POLQ: variants seen among roughly 807,000 people sequenced by gnomAD.
POLQ encodes DNA polymerase theta.
In POLQ, 233 loss-of-function variants were observed where a neutral mutation model predicts 259.2. The ratio of observed to expected loss-of-function variants is 0.90; its 90% CI spans 0.81 to 1.00. The LOEUF (loss-of-function observed/expected upper bound fraction) is 1.00. POLQ is among the 50% of genes least tolerant of loss of function. The probability of loss-of-function intolerance (pLI) is 0.00; values close to 1 mark genes in which losing one functional copy is unlikely to be tolerated. For missense variants in POLQ, 2,871 were observed against 3,051.6 expected, an observed-to-expected ratio of 0.94 and a Z score of 1.39; for synonymous variants, 1,025 against 1,048.8, an observed-to-expected ratio of 0.98 and a Z score of 0.44.
chr3:121,520,008 G>A lies in POLQ; in HGVS notation c.1331C>T (p.Ser444Phe), dbSNP rs1357928900. ...TAAATTCACCCCAGAAGAAAGAGTA[G>A]AAGTTGCCGCCAAGACCCGAATGAG... ...QGLIRVLAAT[S>F]TLSSGVNLPA... is the part of the protein sequence containing the mutation. The change falls in exon 9 of 30, where the codon TCT (serine) becomes TTT (phenylalanine). Residue 444 changes from serine (S) to phenylalanine (F), a missense_variant. By Grantham distance (155) the Ser-to-Phe change is radical (BLOSUM62 -2). This residue lies in a region of POLQ where 783 missense variants were observed against 906.2 expected (regional missense o/e 0.86). Coordinates refer to ENST00000264233, the MANE Select transcript of POLQ (RefSeq NM_199420.4). 1 of 1,613,438 alleles carries A rather than the reference G, an allele frequency of 6.2e-7. No homozygotes were observed. The highest frequency in any genetic ancestry group is 8.5e-7 in the Non-Finnish European group (1 of 1,179,526).
chr3:121,512,090 A>C, intron 9 of POLQ, 61 bp from the exon 10 acceptor site: 1 of 1,418,264 alleles, frequency 7.1e-7, no homozygotes. Flanking sequence ...TATCTGCTAA[A>C]GAGATTTTAA....
chr3:121,448,954 C>T (rs2047651770), intron 26 of POLQ, among the ~76,000 whole-genome samples: 1 of 152,078 alleles, frequency 6.6e-6, no homozygotes, highest in East Asian at 1.9e-4. Context: ...CAGAATTCCT[C>T]GTATATTTAA....
At position 121,488,188 on chromosome 3, in the gene POLQ, C is replaced by T. The variant is rs759732692; in HGVS notation, c.4743G>A (p.Lys1581=). ...CTCTAGGAGATACTACAGTATGATTCTTCTCTTGGACAGGAAATATATCCA... is the reference window on the plus strand; with the variant it reads ...CTCTAGGAGATACTACAGTATGATTTTTCTCTTGGACAGGAAATATATCCA... ...DNVDIFPVQE[K]NHTVVSPRAL... The change falls in exon 16 of 30, where the codon AAG becomes AAA. Residue 1581 remains lysine (K), a synonymous_variant. Coordinates refer to ENST00000264233, the MANE Select transcript of POLQ (RefSeq NM_199420.4). 3.7e-6 allele frequency: 6 copies of T among 1,613,614 alleles called. No individual in the cohort carries two copies. The highest frequency in any genetic ancestry group is 5.1e-6 in the Non-Finnish European group (6 of 1,179,880).
chr3:121,492,396 T>G (rs1397077294), intron 15 of POLQ, among the ~76,000 whole-genome samples: 1 of 152,182 alleles, frequency 6.6e-6, no homozygotes, highest in African/African-American at 2.4e-5. Context: ...TTCAATAAAT[T>G]GGTTATTCAG....
At chr3:121,541,661 T>C (rs1254663357) in intron 2 of POLQ, among the ~76,000 whole-genome samples, 182 bp from the exon 3 acceptor site, 4 of 152,224 alleles carry the variant, frequency 2.6e-5, no homozygotes, top group East Asian at 1.9e-4. Context: ...CCTGTCTTAA[T>C]AGTCTCAACT....
rs2048456726 is a variant in POLQ at position 121,537,125 on chromosome 3, A to G, written c.715T>C (p.Tyr239His). The G allele has an allele frequency of 1.3e-6, 2 of 1,576,510 alleles. No individual in the cohort carries two copies. The highest frequency in any genetic ancestry group is 1.7e-6 in the Non-Finnish European group (2 of 1,146,070). ...LLELLLTKICYITRKSASCQA... is the reference protein window; with the variant it reads ...LLELLLTKICHITRKSASCQA... ...CAAGATGCTGATTTCCGAGTAATAT[A>G]GCAAATCTTGGTCAGCAAAAGTTCC... The change falls in exon 5 of 30, where the codon TAT becomes CAT. Residue 239 changes from tyrosine (Y) to histidine (H), a missense_variant. Tyr to His is a moderately conservative substitution (Grantham distance 83). Transcript: ENST00000264233.
intron 26 of POLQ, among the ~76,000 whole-genome samples, chr3:121,441,362 T>C (rs2047591078): frequency 6.6e-6 from 1 of 152,162 alleles, no homozygotes; most frequent in African/African-American, 2.4e-5. Context: ...TACTACAAGA[T>C]ACAAAACATG....
At chr3:121,455,477 G>A (rs1421093601) in intron 25 of POLQ, among the ~76,000 whole-genome samples, 2 of 150,762 alleles carry the variant, frequency 1.3e-5, no homozygotes, top group African/African-American at 4.9e-5. Context: ...AAAATTGATA[G>A]ACTGCTAGCA....
chr3:121,451,764 G>A (rs630138), intron 25 of POLQ, among the ~76,000 whole-genome samples: 17,375 of 152,188 alleles, frequency 0.11, 1,297 homozygotes, highest in African/African-American at 0.2. Context: ...CAATCTGTCC[G>A]TTCTCAGATC....
intron 9 of POLQ, among the ~76,000 whole-genome samples, chr3:121,514,643 C>T (rs2048282178): frequency 6.6e-6 from 1 of 151,960 alleles, no homozygotes; most frequent in Non-Finnish European, 1.5e-5. Context: ...AGAGAACATG[C>T]TGGGTAACAG....
intron 7 of POLQ, among the ~76,000 whole-genome samples, chr3:121,522,836 C>G (rs1268496061): frequency 6.6e-6 from 1 of 152,112 alleles, no homozygotes; most frequent in Non-Finnish European, 1.5e-5. Context: ...CCACTCAAAG[C>G]CCCAAAATCA....
In POLQ at chr3:121,481,594, CAAAG is replaced by C; in HGVS notation, c.6185_6188del (p.Ser2062CysfsTer25). 1 of 1,600,678 alleles carries C rather than the reference CAAAG, an allele frequency of 6.2e-7. No homozygotes were observed. Among genetic ancestry groups the C allele is most frequent in the South Asian group, 1.1e-5 (1 of 88,916 alleles). ...TACCTTGAAGGTTTTCCTTCTGCAA[CAAAG>C]AGTTGAGCTGATTCATAGAGTTGAA... On this transcript the variant is annotated frameshift_variant, in exon 19 of 30. Coordinates refer to ENST00000264233, the MANE Select transcript of POLQ (RefSeq NM_199420.4). LOFTEE classifies it high-confidence loss of function.
At chr3:121,504,219 C>T (rs1427706175) in intron 12 of POLQ, among the ~76,000 whole-genome samples, 2 of 152,154 alleles carry the variant, frequency 1.3e-5, no homozygotes, top group Non-Finnish European at 2.9e-5. Context: ...GAGGAACCAA[C>T]CCCACCATCC....
At chr3:121,451,304 C>T (rs1272824013) in intron 25 of POLQ, among the ~76,000 whole-genome samples, 2 of 152,218 alleles carry the variant, frequency 1.3e-5, no homozygotes, top group Non-Finnish European at 2.9e-5. Context: ...AGTTATTCTC[C>T]GTCCAGCTTT....
chr3:121,464,405 A>G lies in POLQ; in HGVS notation c.6967+3114T>C, dbSNP rs1159329483. Among the ~76,000 whole-genome samples the G allele has an allele frequency of 3.9e-5, 6 of 152,240 alleles. No homozygotes were observed. In the East Asian group the frequency reaches 1.2e-3, roughly 29 times the overall value. On this transcript the variant is annotated intron_variant, in intron 24 of 29. Coordinates refer to ENST00000264233, the MANE Select transcript of POLQ (RefSeq NM_199420.4). Reference sequence around the variant, plus strand: ...CAACAACAACAACAATAATAATAATAATTTTATGCATTTTTAAAGCATAAA... The same window carrying G: ...CAACAACAACAACAATAATAATAATGATTTTATGCATTTTTAAAGCATAAA...
Position 121,545,920 on chromosome 3 carries a change from C to T in POLQ, c.-43G>A, listed in dbSNP as rs758078863. ...CGATCAGGGCAAGCCACAGTCCCAG[C>T]GTCCTCCCTCTCGGGAGAACCCTGG... On this transcript the variant is annotated 5_prime_UTR_variant, in exon 1 of 30. Transcript: ENST00000264233. The T allele has an allele frequency of 1.9e-6, 3 of 1,609,258 alleles. No individual in the cohort carries two copies. The highest frequency in any genetic ancestry group is 2.5e-6 in the Non-Finnish European group (3 of 1,177,668).
intron 8 of POLQ, among the ~76,000 whole-genome samples, chr3:121,521,112 C>T (rs1011742720): frequency 4.6e-5 from 7 of 152,010 alleles, no homozygotes; most frequent in African/African-American, 1.7e-4. Context: ...TGTGGTTTTG[C>T]TTTCTATAGT....
At chr3:121,508,673 C>T (rs996032031) in intron 12 of POLQ, among the ~76,000 whole-genome samples, 9 of 152,166 alleles carry the variant, frequency 5.9e-5, no homozygotes, top group African/African-American at 1.7e-4. Flanking sequence ...ATGTATTATG[C>T]GAGTTTGTAA....
intron 14 of POLQ, among the ~76,000 whole-genome samples, chr3:121,495,098 C>T (rs1240125463): frequency 3.9e-5 from 6 of 152,048 alleles, no homozygotes; most frequent in African/African-American, 1.4e-4. Context: ...ATGGAGAAAC[C>T]CCATCTCTAC....
Sources: gnomAD v4.1 joint callset for allele counts (sites outside exome capture counted in the v4.1 genomes callset) on GRCh38, gnomAD v4.1.1 for gene constraint, gnomAD v4.1.1 regional missense constraint, MANE v1.5 for transcripts, NCBI Gene and HGNC (gene_info 2026-07-23, HGNC 2026-07-21) for gene names.